The following CDC73 variants were observed in gnomAD, a reference collection of about 807,000 sequenced individuals.
CDC73 encodes parafibromin.
In CDC73, 21 loss-of-function variants were observed where a neutral mutation model predicts 83.7. The ratio of observed to expected loss-of-function variants is 0.25; its 90% CI spans 0.18 to 0.36. The LOEUF is 0.36. Ranked by LOEUF, CDC73 falls within the 10% of genes least tolerant of loss-of-function variation. CDC73 has a pLI of 1.00. For synonymous variants in CDC73, 224 were observed against 212.9 expected, an observed-to-expected ratio of 1.05 and a Z score of -0.45; for missense variants, 342 against 653.3, an observed-to-expected ratio of 0.52 and a Z score of 5.19.
intron 1 of CDC73, among the ~76,000 whole-genome samples, chr1:193,124,136 G>A (rs1343802441): frequency 6.6e-6 from 1 of 152,236 alleles, no homozygotes; most frequent in Non-Finnish European, 1.5e-5. Flanking sequence ...TGAAAAAGGA[G>A]TGCTTATCAC....
chr1:193,222,255 G>T (rs2102047750), intron 13 of CDC73, among the ~76,000 whole-genome samples: 1 of 152,288 alleles, frequency 6.6e-6, no homozygotes, highest in Admixed American at 6.5e-5. Context: ...AGGAAAGATT[G>T]TGCGCAGAAG....
chr1:193,141,256 A>G (rs1675901446), intron 6 of CDC73: 1 of 152,244 alleles, frequency 6.6e-6, no homozygotes, highest in South Asian at 2.1e-4. Context: ...ATATTTCTGC[A>G]AACATAGTCT....
intron 10 of CDC73, among the ~76,000 whole-genome samples, chr1:193,172,481 T>A (rs932439456): frequency 1.3e-5 from 2 of 152,068 alleles, no homozygotes; most frequent in Non-Finnish European, 2.9e-5. Context: ...TCCTGCAGGT[T>A]ATAGAGCCTT....
chr1:193,144,983 C>T (rs1400864910), intron 7 of CDC73, among the ~76,000 whole-genome samples: 2 of 151,632 alleles, frequency 1.3e-5, no homozygotes, highest in African/African-American at 2.4e-5. Flanking sequence ...CTTTTTCCAC[C>T]CATAAGTAAA....
intron 16 of CDC73, among the ~76,000 whole-genome samples, chr1:193,250,198 T>G (rs1678023224): frequency 6.6e-6 from 1 of 151,902 alleles, no homozygotes; most frequent in African/African-American, 2.4e-5. Flanking sequence ...AACCCTGTGT[T>G]TTTTGCAAGT....
intron 10 of CDC73, chr1:193,180,458 C>G (rs752351519): frequency 6.2e-7 from 1 of 1,614,006 alleles, no homozygotes; most frequent in South Asian, 1.1e-5. Context: ...GAATAAGAGA[C>G]TCGCCAGTGA....
At chr1:193,142,100 A>T in intron 7 of CDC73, 34 bp downstream of exon 7, 3 of 372,946 alleles carry the variant, frequency 8.0e-6, no homozygotes, top group Non-Finnish European at 1.2e-5. Flanking sequence ...CATTGGAGTG[A>T]GAGAGAGAGA....
chr1:193,201,407 T>C (rs1244710110), intron 10 of CDC73, among the ~76,000 whole-genome samples: 1 of 152,220 alleles, frequency 6.6e-6, no homozygotes, highest in African/African-American at 2.4e-5. Context: ...AATTCTCTCT[T>C]TCTGCCAATG....
At chr1:193,244,017 A>G (rs1333446099) in intron 15 of CDC73, among the ~76,000 whole-genome samples, 1 of 152,236 alleles carries the variant, frequency 6.6e-6, no homozygotes, top group African/African-American at 2.4e-5. Flanking sequence ...CTCTTATACC[A>G]GGTTGATACT....
At chr1:193,233,185 A>T in intron 14 of CDC73, 31 bp downstream of exon 14, 1 of 1,576,660 alleles carries the variant, frequency 6.3e-7, no homozygotes, top group East Asian at 2.2e-5. Context: ...ATATCTTTTC[A>T]CAGGTGTTGA....
chr1:193,168,503 G>T (rs768350952), intron 10 of CDC73, among the ~76,000 whole-genome samples: 1 of 151,336 alleles, frequency 6.6e-6, no homozygotes, highest in African/African-American at 2.4e-5. Context: ...ACCACATAAG[G>T]TTTCTGTTGT....
chr1:193,224,401 A>G lies in CDC73; in HGVS notation c.1155-8592A>G, dbSNP rs79335741. On this transcript the variant is annotated intron_variant, in intron 13 of 16. Coordinates refer to ENST00000367435, the MANE Select transcript of CDC73 (RefSeq NM_024529.5). ...ACACATATATGAAATATGCATTCAC[A>G]TATACACATATGAAATATGCATTCA... is the stretch of plus-strand genomic sequence containing the variant. Among the ~76,000 whole-genome samples the G allele has an allele frequency of 1.3e-3, 197 of 151,808 alleles. 3 individuals are homozygous for G. In the East Asian group the frequency reaches 0.035, roughly 27 times the overall value.
chr1:193,180,209 C>G, intron 10 of CDC73: 1 of 1,220,616 alleles, frequency 8.2e-7, no homozygotes, highest in Non-Finnish European at 1.1e-6. Flanking sequence ...TTAACTAAAA[C>G]TTGTCCTACG....
At chr1:193,181,758 G>A (rs1407995507) in intron 10 of CDC73, 2 of 510,702 alleles carry the variant, frequency 3.9e-6, no homozygotes, top group African/African-American at 4.0e-5. Context: ...AGGGCAAATA[G>A]GAATGTCTTA....
intron 13 of CDC73, among the ~76,000 whole-genome samples, chr1:193,228,116 T>C (rs1433963477): frequency 6.6e-6 from 1 of 152,222 alleles, no homozygotes; most frequent in Non-Finnish European, 1.5e-5. Context: ...TATTATATAC[T>C]TTACTAATTC....
chr1:193,197,753 C>T (rs991281467), intron 10 of CDC73, among the ~76,000 whole-genome samples: 29 of 151,838 alleles, frequency 1.9e-4, no homozygotes, highest in African/African-American at 5.8e-4. Context: ...TGGTGAAACC[C>T]CGTCTCTACT....
intron 1 of CDC73, among the ~76,000 whole-genome samples, chr1:193,123,993 T>C (rs1300950577): frequency 6.6e-6 from 1 of 152,216 alleles, no homozygotes; most frequent in East Asian, 1.9e-4. Context: ...CTTTAAAGAA[T>C]AGGTAGGAAT....
intron 14 of CDC73, among the ~76,000 whole-genome samples, chr1:193,233,356 T>TATA (rs1677695315): frequency 6.6e-6 from 1 of 152,030 alleles, no homozygotes; most frequent in Non-Finnish European, 1.5e-5. Context: ...CCACTGCACC[T>TATA]GGCAGCCTAT....
intron 7 of CDC73, among the ~76,000 whole-genome samples, chr1:193,142,674 T>G (rs1218359917): frequency 1.3e-5 from 2 of 151,990 alleles, no homozygotes; most frequent in Non-Finnish European, 2.9e-5. Context: ...TCTTCCTCCT[T>G]CCCTCACTTC....
Sources: gnomAD v4.1 joint callset for allele counts (sites outside exome capture counted in the v4.1 genomes callset) on GRCh38, gnomAD v4.1.1 for gene constraint, MANE v1.5 for transcripts, NCBI Gene and HGNC (gene_info 2026-07-23, HGNC 2026-07-21) for gene names.